Variants in SORCS2 observed in about 807,000 individuals in gnomAD.
The protein encoded by SORCS2 is sortilin related VPS10 domain containing receptor 2, also known as VPS10 domain-containing receptor SorCS2.
A neutral mutation model predicts 141.6 loss-of-function variants in SORCS2; 100 were observed. The observed-to-expected ratio is 0.71, with a 90% CI of 0.60 to 0.83. SORCS2 has a LOEUF of 0.83. Ranked by LOEUF, SORCS2 falls within the 40% of genes least tolerant of loss-of-function variation. The pLI, the probability that SORCS2 is intolerant of heterozygous loss-of-function variation, is 0.00. For synonymous variants in SORCS2, 789 were observed against 676.9 expected, an observed-to-expected ratio of 1.17 and a Z score of -2.57; for missense variants, 1,646 against 1,560.2, an observed-to-expected ratio of 1.05 and a Z score of -0.93.
chr4:7,414,844 T>C (rs1036479413), intron 2 of SORCS2, among the ~76,000 whole-genome samples: 17 of 152,172 alleles, frequency 1.1e-4, no homozygotes, highest in African/African-American at 4.1e-4. Context: ...TCATACATGG[T>C]TGGTGTTGGT....
At chr4:7,393,124 G>A (rs948098338) in intron 1 of SORCS2, among the ~76,000 whole-genome samples, 1 of 152,162 alleles carries the variant, frequency 6.6e-6, no homozygotes, top group Non-Finnish European at 1.5e-5. Context: ...TTGAAGTGAT[G>A]AGTGGCAGCC....
chr4:7,257,408 G>A (rs1214706407), intron 1 of SORCS2, among the ~76,000 whole-genome samples: 1 of 152,134 alleles, frequency 6.6e-6, no homozygotes, highest in Admixed American at 6.5e-5. Flanking sequence ...GGCTCCAAGA[G>A]AAACCAGTGT....
At chr4:7,275,982 G>A (rs116042179) in intron 1 of SORCS2, among the ~76,000 whole-genome samples, 3 of 152,318 alleles carry the variant, frequency 2.0e-5, no homozygotes, top group African/African-American at 7.2e-5. Context: ...CTTGGAGAGT[G>A]TGAGACGGTA....
At chr4:7,476,683 T>G (rs541589378) in intron 2 of SORCS2, among the ~76,000 whole-genome samples, 1 of 152,296 alleles carries the variant, frequency 6.6e-6, no homozygotes, top group South Asian at 2.1e-4. Flanking sequence ...AGGGCGGCCA[T>G]GCCTCCTGCT....
chr4:7,572,953 C>A (rs1715496990), intron 3 of SORCS2, among the ~76,000 whole-genome samples: 1 of 152,208 alleles, frequency 6.6e-6, no homozygotes, highest in African/African-American at 2.4e-5. Context: ...TTCCAAACAT[C>A]CATTTCTAAA....
At chr4:7,273,662 G>C (rs1346172444) in intron 1 of SORCS2, among the ~76,000 whole-genome samples, 1 of 152,222 alleles carries the variant, frequency 6.6e-6, no homozygotes, top group Non-Finnish European at 1.5e-5. Context: ...GGGATTTCTG[G>C]GAGGCATGCA....
intron 18 of SORCS2, among the ~76,000 whole-genome samples, chr4:7,719,623 C>T (rs1050689840): frequency 6.6e-6 from 1 of 152,204 alleles, no homozygotes; most frequent in African/African-American, 2.4e-5. Context: ...CGCCTCTGTT[C>T]GCAGCAGCAT....
chr4:7,650,387 C>T (rs1008757849), intron 4 of SORCS2, among the ~76,000 whole-genome samples: 2 of 152,204 alleles, frequency 1.3e-5, no homozygotes, highest in Non-Finnish European at 2.9e-5. Flanking sequence ...GTGGCAAGTG[C>T]AACCACTTTG....
At chr4:7,194,697 C>T (rs1015015520) in intron 1 of SORCS2, among the ~76,000 whole-genome samples, 1 of 152,122 alleles carries the variant, frequency 6.6e-6, no homozygotes, top group Non-Finnish European at 1.5e-5. Context: ...TCTCCATCTG[C>T]ACCTTGAGAG....
In SORCS2 at chr4:7,689,600, C is replaced by G; in HGVS notation, c.1591+12C>G. ...CATCATGGGTGCAGGTAGGTGGCTT[C>G]CATCACAGGTGGCTGGCAGGTGCCA... is the stretch of plus-strand genomic sequence containing the variant. On this transcript the variant is annotated intron_variant, in intron 11 of 26. Transcript: ENST00000507866. 1.9e-6 allele frequency: 3 copies of G among 1,569,016 alleles called. No individual in the cohort carries two copies. Among genetic ancestry groups the G allele is most frequent in the Non-Finnish European group, 2.6e-6 (3 of 1,157,304 alleles).
chr4:7,642,089 C>G (rs1336004961), intron 4 of SORCS2, among the ~76,000 whole-genome samples: 1 of 152,154 alleles, frequency 6.6e-6, no homozygotes, highest in Non-Finnish European at 1.5e-5. Context: ...TGATAAATTT[C>G]TACCAACAGG....
chr4:7,426,285 G>T, intron 2 of SORCS2, among the ~76,000 whole-genome samples: 1 of 108,994 alleles, frequency 9.2e-6, no homozygotes, highest in East Asian at 2.0e-4. Context: ...GGATCCCGGG[G>T]CTGGTGGCTT....
intron 3 of SORCS2, among the ~76,000 whole-genome samples, chr4:7,560,294 T>G (rs1714442943): frequency 6.6e-6 from 1 of 152,128 alleles, no homozygotes; most frequent in Admixed American, 6.5e-5. Context: ...GAGAATACAC[T>G]GTATTATGGG....
At chr4:7,329,224 G>T (rs1719487804) in intron 1 of SORCS2, among the ~76,000 whole-genome samples, 1 of 152,224 alleles carries the variant, frequency 6.6e-6, no homozygotes, top group Non-Finnish European at 1.5e-5. Flanking sequence ...CTGGCTTACA[G>T]GCGGGCCCGG....
At chr4:7,368,244 G>T (rs981926817) in intron 1 of SORCS2, among the ~76,000 whole-genome samples, 2 of 152,250 alleles carry the variant, frequency 1.3e-5, no homozygotes, top group Non-Finnish European at 2.9e-5. Context: ...TCTCCAGGGA[G>T]GCTGGAGCTG....
chr4:7,417,352 G>A (rs1028483295), intron 2 of SORCS2, among the ~76,000 whole-genome samples: 1 of 152,160 alleles, frequency 6.6e-6, no homozygotes, highest in Non-Finnish European at 1.5e-5. Context: ...CACAAAATGG[G>A]AGCTGACAGG....
At chr4:7,505,340 C>T (rs1370017297) in intron 2 of SORCS2, among the ~76,000 whole-genome samples, 2 of 152,118 alleles carry the variant, frequency 1.3e-5, no homozygotes, top group African/African-American at 4.8e-5. Flanking sequence ...GGGGGCTGTT[C>T]TCAGAAGGTC....
chr4:7,571,751 C>T (rs1715410235), intron 3 of SORCS2, among the ~76,000 whole-genome samples: 2 of 152,156 alleles, frequency 1.3e-5, no homozygotes, highest in Admixed American at 1.3e-4. Context: ...TTCAAAGCCT[C>T]AGCACCAAGC....
intron 2 of SORCS2, among the ~76,000 whole-genome samples, chr4:7,410,510 C>G (rs961188893): frequency 3.9e-5 from 6 of 152,142 alleles, no homozygotes; most frequent in African/African-American, 1.4e-4. Flanking sequence ...CATTGTAGAC[C>G]TCATGGGCTC....
Sources: gnomAD v4.1 joint callset for allele counts (sites outside exome capture counted in the v4.1 genomes callset) on GRCh38, gnomAD v4.1.1 for gene constraint, MANE v1.5 for transcripts, NCBI Gene and HGNC (gene_info 2026-07-23, HGNC 2026-07-21) for gene names.